Variants in EBF4 observed in about 807,000 individuals in gnomAD.
The protein encoded by EBF4 is EBF transcription factor 4.
EBF4 carries 34 observed loss-of-function variants against 67.1 expected under a neutral mutation model. The observed-to-expected ratio is 0.51, with a 90% confidence interval of 0.39 to 0.67. EBF4 has a LOEUF of 0.67. Ranked by LOEUF, EBF4 falls within the 30% of genes least tolerant of loss-of-function variation. The pLI is 0.00. For synonymous variants in EBF4, 387 were observed against 377.7 expected, an observed-to-expected ratio of 1.02 and a Z score of -0.29; for missense variants, 837 against 873.3, an observed-to-expected ratio of 0.96 and a Z score of 0.52.
intron 6 of EBF4, among the ~76,000 whole-genome samples, chr20:2,717,651 T>C (rs1239566143): frequency 6.6e-6 from 1 of 152,218 alleles, no homozygotes; most frequent in East Asian, 1.9e-4. Context: ...TCTTTAGATT[T>C]GCCTTGTTTT....
In EBF4 at chr20:2,755,506, GGTACCTGTGTCAGCAGCCCAT is replaced by G. The variant is rs762483930; in HGVS notation, c.1541-118_1541-98del. ...ACAGCTCCCAGTGAGATCTGAGCCT[GGTACCTGTGTCAGCAGCCCAT>G]GTGGGGCCCCAGCCAAGCTGCTCAC... On this transcript the variant is annotated intron_variant, in intron 14 of 16. Transcript: ENST00000609451. This position sits in a 1 kb window ranked among gnomAD's most constrained non-coding sequence, Gnocchi z 4.7. 1 of 644,188 alleles carries G rather than the reference GGTACCTGTGTCAGCAGCCCAT, an allele frequency of 1.6e-6. No homozygotes were observed. The highest frequency in any genetic ancestry group is 2.8e-6 in the Non-Finnish European group (1 of 354,880). 39.9% of individuals were successfully genotyped at this position (644,188 alleles called of 1,614,324 possible).
intron 7 of EBF4, 118 bp downstream of exon 7, chr20:2,748,748 C>T: frequency 6.8e-6 from 8 of 1,179,352 alleles, no homozygotes; most frequent in Non-Finnish European, 9.5e-6. Flanking sequence ...AGGCAGATCT[C>T]TGCCCAGCCC....
At chr20:2,715,573 A>G (rs964545343) in intron 6 of EBF4, among the ~76,000 whole-genome samples, 2 of 151,994 alleles carry the variant, frequency 1.3e-5, no homozygotes, top group African/African-American at 2.4e-5. Flanking sequence ...ACTAAGTAAC[A>G]CTCCCACCCA....
In EBF4 at chr20:2,755,888, C is replaced by T; in HGVS notation, c.1738+64C>T. 6.9e-7 allele frequency: 1 copy of T among 1,446,562 alleles called. No homozygotes were observed. Among genetic ancestry groups the T allele is most frequent in the Non-Finnish European group, 9.3e-7 (1 of 1,074,382 alleles). The allele number at this position is 1,446,562 out of a possible 1,614,324, so 89.6% of individuals were successfully genotyped here. A position where few individuals can be genotyped will look rare whatever the true frequency, so the allele number is the denominator to read the frequency against. ...GGGCCCTTGTGGAGCAGCTGGGCTA[C>T]AGGGGCCTGCTCTGTCCACATCTCA... On this transcript the variant is annotated intron_variant, in intron 15 of 16. Transcript: ENST00000609451. This position sits in a 1 kb window ranked among gnomAD's most constrained non-coding sequence, Gnocchi z 4.7.
intron 6 of EBF4, among the ~76,000 whole-genome samples, chr20:2,713,168 G>A (rs913816430): frequency 3.3e-5 from 5 of 152,318 alleles, no homozygotes; most frequent in African/African-American, 9.6e-5. Flanking sequence ...AGGGGAAAAT[G>A]AGGATGCAAG....
At chr20:2,724,354 A>T in intron 6 of EBF4, among the ~76,000 whole-genome samples, 1 of 152,040 alleles carries the variant, frequency 6.6e-6, no homozygotes, top group East Asian at 1.9e-4. Flanking sequence ...TATATGAATA[A>T]TTTTTTTTAA....
chr20:2,700,463 T>C (rs1046784425), intron 1 of EBF4, among the ~76,000 whole-genome samples: 2 of 152,166 alleles, frequency 1.3e-5, no homozygotes, highest in African/African-American at 2.4e-5. Flanking sequence ...ATGTTTGTCT[T>C]AGGCAGCGCC....
At chr20:2,731,061 G>A (rs1013967196) in intron 6 of EBF4, among the ~76,000 whole-genome samples, 1 of 152,142 alleles carries the variant, frequency 6.6e-6, no homozygotes, top group African/African-American at 2.4e-5. Context: ...ACCATGCTTA[G>A]CTAATTTGTG....
chr20:2,714,975 A>C (rs1301118466), intron 6 of EBF4, among the ~76,000 whole-genome samples: 1 of 152,216 alleles, frequency 6.6e-6, no homozygotes, highest in Non-Finnish European at 1.5e-5. Context: ...ATACATGCAA[A>C]AGAAAAGTAA....
At chr20:2,743,036 C>T (rs2087990643) in intron 6 of EBF4, among the ~76,000 whole-genome samples, 1 of 152,164 alleles carries the variant, frequency 6.6e-6, no homozygotes, top group Non-Finnish European at 1.5e-5. Context: ...AACTCCCCTG[C>T]CCACCAGGTC....
chr20:2,704,338 T>A (rs2087421130), intron 1 of EBF4, among the ~76,000 whole-genome samples: 1 of 152,048 alleles, frequency 6.6e-6, no homozygotes, highest in African/African-American at 2.4e-5. Flanking sequence ...ACAGCACCCT[T>A]TTCTAAAGGG....
chr20:2,719,805 T>G (rs144177008), intron 6 of EBF4, among the ~76,000 whole-genome samples: 42 of 152,360 alleles, frequency 2.8e-4, no homozygotes, highest in African/African-American at 9.6e-4. Flanking sequence ...CTTTATGGCA[T>G]AGAATATGGC....
At position 2,751,683 on chromosome 20, in the gene EBF4, G is replaced by T. The variant is rs1183018886; in HGVS notation, c.1019-17G>T. 1 of 1,550,318 alleles carries T rather than the reference G, an allele frequency of 6.5e-7. No homozygotes were observed. Among genetic ancestry groups the T allele is most frequent in the Admixed American group, 2.0e-5 (1 of 50,996 alleles). ...GCTGCGGGGGAGACGTCCTCCAAAC[G>T]CCGCCCCCTTCCCCAGCTCTGAACG... On this transcript the variant is annotated splice_polypyrimidine_tract_variant and intron_variant, in intron 10 of 16. Coordinates refer to ENST00000609451, the Ensembl canonical transcript of EBF4. The surrounding 1 kb of genome is among the most constrained non-coding windows in gnomAD (Gnocchi z 5.2).
chr20:2,738,951 C>G (rs1414028764), intron 6 of EBF4, among the ~76,000 whole-genome samples: 2 of 152,162 alleles, frequency 1.3e-5, no homozygotes, highest in Non-Finnish European at 2.9e-5. Flanking sequence ...AGTCCTCCAG[C>G]CCATCTGCAC....
chr20:2,744,090 T>TA (rs1173881296), intron 6 of EBF4, among the ~76,000 whole-genome samples: 46 of 151,460 alleles, frequency 3.0e-4, no homozygotes, highest in African/African-American at 5.3e-4. Flanking sequence ...TTTTATTTTT[T>TA]TTTTTTTGAG....
chr20:2,741,488 A>C (rs1172023718), intron 6 of EBF4, among the ~76,000 whole-genome samples: 1 of 152,208 alleles, frequency 6.6e-6, no homozygotes, highest in Non-Finnish European at 1.5e-5. Context: ...GTAGTGTATA[A>C]GTTAAATGTT....
At chr20:2,711,082 A>G (rs1204022849) in intron 6 of EBF4, among the ~76,000 whole-genome samples, 2 of 152,056 alleles carry the variant, frequency 1.3e-5, no homozygotes, top group African/African-American at 4.8e-5. Flanking sequence ...CAGGAGGTCT[A>G]GACTGCAGCG....
intron 6 of EBF4, among the ~76,000 whole-genome samples, chr20:2,720,143 CT>C (rs1352649490): frequency 6.6e-6 from 1 of 152,158 alleles, no homozygotes; most frequent in Non-Finnish European, 1.5e-5. Context: ...ACAAAATCTA[CT>C]TTGATAATAT....
chr20:2,721,424 T>C (rs2087679506), intron 6 of EBF4, among the ~76,000 whole-genome samples: 1 of 152,126 alleles, frequency 6.6e-6, no homozygotes. Context: ...AAGTTTGATT[T>C]GATTTGTATC....
Sources: allele counts gnomAD v4.1 joint callset (sites outside exome capture counted in the v4.1 genomes callset), GRCh38; gene constraint gnomAD v4.1.1; non-coding constraint Gnocchi (gnomAD v3.1); transcripts MANE v1.5; gene names NCBI Gene and HGNC (gene_info 2026-07-23, HGNC 2026-07-21).